SPAG16: variants seen among roughly 807,000 people sequenced by gnomAD.
SPAG16 encodes the protein sperm associated antigen 16, also known as sperm-associated antigen 16 protein.
In SPAG16, 86 loss-of-function variants were observed where a neutral mutation model predicts 80.4. The ratio of observed to expected loss-of-function variants is 1.07; its 90% confidence interval spans 0.90 to 1.28. The LOEUF (loss-of-function observed/expected upper bound fraction) is 1.28. SPAG16 is among the 50% of genes most tolerant of loss of function. SPAG16 has a pLI of 0.00. For missense variants in SPAG16, 870 were observed against 765.3 expected (o/e 1.14, Z -1.61); for synonymous variants, 294 against 265.9 (o/e 1.11, Z -1.03).
At chr2:213,431,728 A>G (rs774398818) in intron 9 of SPAG16, among the ~76,000 whole-genome samples, 52 of 152,132 alleles carry the variant, frequency 3.4e-4, no homozygotes, top group Non-Finnish European at 1.2e-4. Flanking sequence ...CTGGACTTCA[A>G]TGAAACTTTA....
At chr2:213,368,191 C>G (rs868283230) in intron 8 of SPAG16, among the ~76,000 whole-genome samples, 4 of 152,126 alleles carry the variant, frequency 2.6e-5, no homozygotes, top group East Asian at 3.9e-4. Context: ...GTTACTGTAG[C>G]CTTGTAGTAT....
chr2:213,941,601 A>G (rs898848535), intron 12 of SPAG16, among the ~76,000 whole-genome samples: 1 of 152,160 alleles, frequency 6.6e-6, no homozygotes, highest in African/African-American at 2.4e-5. Context: ...AGTAGTAAAC[A>G]TTTGTTGAAT....
At chr2:214,235,439 T>G (rs1689008187) in intron 15 of SPAG16, among the ~76,000 whole-genome samples, 1 of 152,190 alleles carries the variant, frequency 6.6e-6, no homozygotes, top group African/African-American at 2.4e-5. Context: ...GTAAAGAATT[T>G]AATGTGCATT....
chr2:214,136,620 A>T (rs536102303), intron 14 of SPAG16, among the ~76,000 whole-genome samples: 1 of 152,238 alleles, frequency 6.6e-6, no homozygotes, highest in South Asian at 2.1e-4. Context: ...CAAAATTACA[A>T]ACTTATCCAC....
At chr2:213,347,704 G>A (rs1278209451) in intron 6 of SPAG16, among the ~76,000 whole-genome samples, 1 of 152,230 alleles carries the variant, frequency 6.6e-6, no homozygotes, top group Non-Finnish European at 1.5e-5. Context: ...TTTTCAGTGA[G>A]TTTCTTAATC....
chr2:213,397,664 A>C (rs2068109495), intron 9 of SPAG16, among the ~76,000 whole-genome samples: 1 of 152,136 alleles, frequency 6.6e-6, no homozygotes, highest in African/African-American at 2.4e-5. Flanking sequence ...ACTCACTTTC[A>C]TAGTCATTTC....
intron 10 of SPAG16, among the ~76,000 whole-genome samples, chr2:213,621,986 G>T (rs2061805024): frequency 1.3e-5 from 2 of 152,108 alleles, no homozygotes; most frequent in African/African-American, 4.8e-5. Context: ...ACTATAGCCT[G>T]TGGAGCTCCC....
chr2:214,013,331 T>C (rs916201093), intron 12 of SPAG16, among the ~76,000 whole-genome samples: 3 of 152,122 alleles, frequency 2.0e-5, no homozygotes, highest in Admixed American at 2.0e-4. Context: ...TACCACTTCT[T>C]TGTGGCGAGA....
At chr2:213,633,720 T>C (rs2062247106) in intron 10 of SPAG16, among the ~76,000 whole-genome samples, 1 of 152,292 alleles carries the variant, frequency 6.6e-6, no homozygotes, top group African/African-American at 2.4e-5. Flanking sequence ...TGGGTGCATA[T>C]ATATTTAACA....
chr2:214,118,942 A>C (rs941756336), intron 14 of SPAG16, among the ~76,000 whole-genome samples: 20 of 152,198 alleles, frequency 1.3e-4, no homozygotes, highest in African/African-American at 3.6e-4. Context: ...ATACTACCTG[A>C]CATTAAAATA....
intron 13 of SPAG16, among the ~76,000 whole-genome samples, chr2:214,025,763 C>T (rs2048096395): frequency 6.6e-6 from 1 of 151,158 alleles, no homozygotes; most frequent in Non-Finnish European, 1.5e-5. Context: ...TTTTTTTCAA[C>T]CATTTAGTAT....
chr2:213,324,923 T>A (rs1375831685), intron 5 of SPAG16, among the ~76,000 whole-genome samples: 1 of 152,122 alleles, frequency 6.6e-6, no homozygotes, highest in Non-Finnish European at 1.5e-5. Context: ...TCTTTTCAGT[T>A]GTAGCCATTT....
intron 10 of SPAG16, among the ~76,000 whole-genome samples, chr2:213,577,938 T>G (rs552762434): frequency 6.6e-6 from 1 of 152,174 alleles, no homozygotes; most frequent in African/African-American, 2.4e-5. Flanking sequence ...TCCAGCCTCC[T>G]CTCAGGAGGA....
At chr2:213,301,717 C>T (rs563519101) in intron 3 of SPAG16, among the ~76,000 whole-genome samples, 13 of 152,096 alleles carry the variant, frequency 8.5e-5, no homozygotes, top group African/African-American at 2.2e-4. Context: ...CTCCCCTCTA[C>T]GTAAATTCCC....
At chr2:213,596,267 T>G (rs571303823) in intron 10 of SPAG16, among the ~76,000 whole-genome samples, 3 of 152,160 alleles carry the variant, frequency 2.0e-5, no homozygotes, top group Non-Finnish European at 4.4e-5. Flanking sequence ...TGATTTGAAC[T>G]TTGAAAAAAT....
At chr2:213,461,904 G>A (rs575644618) in intron 9 of SPAG16, among the ~76,000 whole-genome samples, 1 of 152,068 alleles carries the variant, frequency 6.6e-6, no homozygotes, top group African/African-American at 2.4e-5. Context: ...GTATGTGTAT[G>A]TGTGTGTGTA....
At chr2:213,822,600 C>T (rs2073012527) in intron 10 of SPAG16, among the ~76,000 whole-genome samples, 1 of 152,068 alleles carries the variant, frequency 6.6e-6, no homozygotes, top group Non-Finnish European at 1.5e-5. Flanking sequence ...TTAGACATCT[C>T]TTTTTTCCTT....
intron 10 of SPAG16, among the ~76,000 whole-genome samples, chr2:213,651,323 G>A (rs2063011939): frequency 6.6e-6 from 1 of 152,148 alleles, no homozygotes; most frequent in Non-Finnish European, 1.5e-5. Flanking sequence ...GTGGGAGAGA[G>A]GAAAGCCAAG....
chr2:213,961,857 A>G (rs924650466), intron 12 of SPAG16, among the ~76,000 whole-genome samples: 4 of 151,630 alleles, frequency 2.6e-5, no homozygotes, highest in African/African-American at 9.7e-5. Context: ...CTTGTTATGT[A>G]TTTGTCTGGT....
Sources: gnomAD v4.1 joint callset for allele counts (sites outside exome capture counted in the v4.1 genomes callset) on GRCh38, gnomAD v4.1.1 for gene constraint, MANE v1.5 for transcripts, NCBI Gene and HGNC (gene_info 2026-07-23, HGNC 2026-07-21) for gene names.